The following MAGI2 variants were observed in gnomAD, a reference collection of about 807,000 sequenced individuals.
MAGI2 encodes the protein membrane-associated guanylate kinase, WW and PDZ domain-containing protein 2.
MAGI2 carries 35 observed loss-of-function variants against 133.3 expected under a neutral mutation model. The observed-to-expected ratio is 0.26, with a 90% CI of 0.20 to 0.35. The LOEUF (loss-of-function observed/expected upper bound fraction) is 0.35, where lower values mean the gene tolerates loss of function less well. Ranked by LOEUF, MAGI2 falls within the 10% of genes least tolerant of loss-of-function variation. The pLI is 1.00. For synonymous variants in MAGI2, 729 were observed against 710.6 expected, an observed-to-expected ratio of 1.03 and a Z score of -0.41; for missense variants, 1,636 against 1,863.4, an observed-to-expected ratio of 0.88 and a Z score of 2.25.
intron 6 of MAGI2, among the ~76,000 whole-genome samples, chr7:78,391,406 G>A (rs1429421251): frequency 2.0e-5 from 3 of 152,044 alleles, no homozygotes; most frequent in Non-Finnish European, 4.4e-5. Context: ...CACATGATAA[G>A]GAAATATGGA....
intron 10 of MAGI2, among the ~76,000 whole-genome samples, chr7:78,239,159 T>C: frequency 6.6e-6 from 1 of 152,160 alleles, no homozygotes; most frequent in East Asian, 1.9e-4. Flanking sequence ...GAAAATACAA[T>C]GGAGAAAGGA....
chr7:78,425,170 G>C (rs1306842582), intron 6 of MAGI2, among the ~76,000 whole-genome samples: 2 of 152,138 alleles, frequency 1.3e-5, no homozygotes, highest in Non-Finnish European at 2.9e-5. Context: ...TTCCTGTGCT[G>C]TTCTCATAAT....
At chr7:78,089,025 A>G (rs1035082477) in intron 20 of MAGI2, among the ~76,000 whole-genome samples, 4 of 152,198 alleles carry the variant, frequency 2.6e-5, no homozygotes, top group Non-Finnish European at 4.4e-5. Context: ...AATATAAGCC[A>G]AGGAGTTTCT....
At chr7:78,829,906 A>G (rs1027554314) in intron 2 of MAGI2, among the ~76,000 whole-genome samples, 1 of 152,124 alleles carries the variant, frequency 6.6e-6, no homozygotes, top group Non-Finnish European at 1.5e-5. Flanking sequence ...AAGCTAAAAA[A>G]TAAGCACTTG....
intron 9 of MAGI2, among the ~76,000 whole-genome samples, chr7:78,287,650 C>A (rs1440171053): frequency 1.3e-5 from 2 of 152,128 alleles, no homozygotes; most frequent in Admixed American, 6.5e-5. Flanking sequence ...CCTGAGTGAT[C>A]TTTACCATCA....
intron 6 of MAGI2, chr7:78,457,011 G>A (rs1789391178): frequency 6.6e-6 from 1 of 152,180 alleles, no homozygotes; most frequent in Admixed American, 6.5e-5. Context: ...AAGTTTTCTG[G>A]AAGATCAGAT....
intron 1 of MAGI2, among the ~76,000 whole-genome samples, chr7:79,239,220 CT>C (rs1255409181): frequency 2.0e-5 from 3 of 152,060 alleles, no homozygotes; most frequent in Non-Finnish European, 4.4e-5. Flanking sequence ...AGTAGTTACT[CT>C]TTTTTTCCCA....
rs1349523775 is a variant in MAGI2 at position 78,991,305 on chromosome 7, TAGAC to T, written c.418+15781_418+15784del. 2.3e-3 allele frequency among the ~76,000 whole-genome samples: 330 copies of T among 146,224 alleles called. 1 individual carries two copies. Among genetic ancestry groups the T allele is most frequent in the African/African-American group, 7.8e-3 (311 of 40,036 alleles). On this transcript the variant is annotated intron_variant, in intron 2 of 21. Coordinates refer to ENST00000354212, the MANE Select transcript of MAGI2 (RefSeq NM_012301.4). ...TTATAGCAGGGTGAGAATGGACTAATAGACACACACATACACACACACACACACA... is the reference window on the plus strand; with the variant it reads ...TTATAGCAGGGTGAGAATGGACTAATACACACATACACACACACACACACA...
At chr7:78,049,865 A>G (rs1388474281) in intron 21 of MAGI2, among the ~76,000 whole-genome samples, 1 of 152,188 alleles carries the variant, frequency 6.6e-6, no homozygotes, top group East Asian at 1.9e-4. Context: ...GGCAAATGAG[A>G]ATGCCAGGTT....
intron 2 of MAGI2, among the ~76,000 whole-genome samples, chr7:78,633,504 G>C (rs1367741020): frequency 6.6e-6 from 1 of 152,022 alleles, no homozygotes; most frequent in African/African-American, 2.4e-5. Flanking sequence ...AGGAGATCAA[G>C]ACTATCCTGG....
chr7:79,313,561 G>T (rs1838462086), intron 1 of MAGI2, among the ~76,000 whole-genome samples: 1 of 151,736 alleles, frequency 6.6e-6, no homozygotes, highest in Non-Finnish European at 1.5e-5. Context: ...TGCCTTAAAG[G>T]GTATCATTTA....
chr7:79,036,542 G>A (rs142814312), intron 1 of MAGI2, among the ~76,000 whole-genome samples: 2 of 152,264 alleles, frequency 1.3e-5, no homozygotes, highest in African/African-American at 4.8e-5. Flanking sequence ...TCTCCTCTTT[G>A]TTTAAAGCCG....
chr7:78,703,695 A>G (rs1334088420), intron 2 of MAGI2, among the ~76,000 whole-genome samples: 1 of 152,060 alleles, frequency 6.6e-6, no homozygotes, highest in African/African-American at 2.4e-5. Flanking sequence ...TGCTATTTTT[A>G]AAAGTAATTT....
At chr7:79,336,436 A>G (rs1331685657) in intron 1 of MAGI2, among the ~76,000 whole-genome samples, 1 of 152,132 alleles carries the variant, frequency 6.6e-6, no homozygotes, top group African/African-American at 2.4e-5. Context: ...GGAATTAAAT[A>G]CTCTTATAAT....
chr7:79,220,356 G>A (rs1830355381), intron 1 of MAGI2, among the ~76,000 whole-genome samples: 1 of 151,900 alleles, frequency 6.6e-6, no homozygotes, highest in Non-Finnish European at 1.5e-5. Context: ...TATACATGAG[G>A]AAGAAAGGCT....
At chr7:79,391,532 TATATAGAC>T (rs1489882578) in intron 1 of MAGI2, among the ~76,000 whole-genome samples, 2 of 62,818 alleles carry the variant, frequency 3.2e-5, no homozygotes, top group Admixed American at 1.5e-4. Flanking sequence ...TATATATATA[TATATAGAC>T]ATATATATAT....
intron 1 of MAGI2, among the ~76,000 whole-genome samples, chr7:79,442,451 A>AGCGTGTGTGTGTGTGT (rs1554485818): frequency 6.9e-6 from 1 of 145,138 alleles, no homozygotes; most frequent in African/African-American, 2.5e-5. Context: ...GTGTTTGAAG[A>AGCGTGTGTGTGTGTGT]GTGTGTGTGT....
intron 20 of MAGI2, among the ~76,000 whole-genome samples, chr7:78,108,435 G>A (rs1037637698): frequency 6.6e-6 from 1 of 152,176 alleles, no homozygotes; most frequent in Non-Finnish European, 1.5e-5. Flanking sequence ...TGAAGAGAAG[G>A]ATGTGTGTTC....
intron 20 of MAGI2, among the ~76,000 whole-genome samples, chr7:78,088,926 T>A (rs1816911764): frequency 6.6e-6 from 1 of 151,912 alleles, no homozygotes; most frequent in Admixed American, 6.6e-5. Flanking sequence ...ATCACAAAGG[T>A]CAAAGTCTGA....
Sources: gnomAD v4.1 joint callset for allele counts (sites outside exome capture counted in the v4.1 genomes callset) on GRCh38, gnomAD v4.1.1 for gene constraint, MANE v1.5 for transcripts, NCBI Gene and HGNC (gene_info 2026-07-23, HGNC 2026-07-21) for gene names.